ARVCF: variants seen among roughly 807,000 people sequenced by gnomAD.
ARVCF encodes the protein ARVCF delta catenin family member.
A neutral mutation model predicts 90.9 loss-of-function variants in ARVCF; 66 were observed. The observed-to-expected ratio is 0.73, with a 90% confidence interval of 0.60 to 0.89. The LOEUF (loss-of-function observed/expected upper bound fraction) is 0.89. ARVCF is among the 40% of genes least tolerant of loss of function. ARVCF has a pLI of 0.00. For synonymous variants in ARVCF, 653 were observed against 603.4 expected, an observed-to-expected ratio of 1.08 and a Z score of -1.21; for missense variants, 1,469 against 1,382.3, an observed-to-expected ratio of 1.06 and a Z score of -1.00.
chr22:19,974,275 G>A, intron 11 of ARVCF, 36 bp from the exon 12 acceptor site: 3 of 1,571,150 alleles, frequency 1.9e-6, no homozygotes, highest in Non-Finnish European at 2.6e-6. Context: ...CGGTCACCCA[G>A]AATCTGCTCT....
intron 2 of ARVCF, among the ~76,000 whole-genome samples, chr22:20,007,599 G>C (rs1355351414): frequency 2.0e-5 from 3 of 152,256 alleles, no homozygotes; most frequent in Non-Finnish European, 2.9e-5. Context: ...TAGGTCACAA[G>C]GGCTCTGCTA....
intron 10 of ARVCF, 22 bp downstream of exon 10, chr22:19,976,684 A>G: frequency 6.4e-7 from 1 of 1,555,480 alleles, no homozygotes; most frequent in Non-Finnish European, 8.7e-7. Context: ...AGGCCTGGAG[A>G]GCAGGATAAA....
In ARVCF at chr22:19,980,034, G is replaced by T; in HGVS notation, c.1105C>A (p.His369Asn). ...TTGGCCTTCACGGGGTCCACGGGGT[G>T]CCGCAGCATGGCCAGCACCTCAGGC... ...ELPEVLAMLR[H>N]PVDPVKANAA... Residue 369 changes from histidine (H) to asparagine (N), a missense_variant, in exon 6 of 20, where the codon CAC becomes AAC. Transcript: ENST00000263207. 1 of 1,587,966 alleles carries T rather than the reference G, an allele frequency of 6.3e-7. No homozygotes were observed. Among genetic ancestry groups the T allele is most frequent in the South Asian group, 1.1e-5 (1 of 88,568 alleles).
intron 3 of ARVCF, among the ~76,000 whole-genome samples, chr22:19,989,447 T>C (rs1379783224): frequency 6.6e-6 from 1 of 152,072 alleles, no homozygotes; most frequent in Non-Finnish European, 1.5e-5. Context: ...TCCCTCGGCC[T>C]GACACAGGCT....
downstream of ARVCF, chr22:19,968,810 C>T: frequency 2.1e-6 from 3 of 1,418,598 alleles, no homozygotes; most frequent in Non-Finnish European, 1.9e-6. Flanking sequence ...CTCCTGCTGA[C>T]CTTCTGCGGC....
chr22:19,974,372 T>C (rs1419203585), intron 11 of ARVCF, 133 bp from the exon 12 acceptor site: 5 of 1,080,806 alleles, frequency 4.6e-6, no homozygotes, highest in Non-Finnish European at 6.3e-6. Context: ...ATGAGTCACG[T>C]AATATTTACT....
intron 3 of ARVCF, chr22:19,986,747 C>A: frequency 3.2e-6 from 1 of 315,044 alleles, no homozygotes; most frequent in South Asian, 6.7e-5. Flanking sequence ...GGCACCTGTC[C>A]TGGGCGCTGG....
chr22:19,978,075 C>T lies in ARVCF; in HGVS notation c.1581G>A (p.Arg527=). The T allele has an allele frequency of 6.2e-7, 1 of 1,603,706 alleles. No homozygotes were observed. The highest frequency in any genetic ancestry group is 1.7e-5 in the Admixed American group (1 of 58,910). Residue 527 remains arginine, a splice_region_variant and synonymous_variant, in exon 8 of 20, where the codon AGG becomes AGA. Transcript: ENST00000263207. ...TVFKNTSGCL[R]NVSSDGAEAR... The stretch of plus-strand genomic sequence containing the variant: ...CCTCAGCACCATCGGAGCTCACATT[C>T]CTGTGTGGCCAAGAGCAGGCCAGGT...
chr22:19,974,176 C>G lies in ARVCF; in HGVS notation c.2024G>C (p.Arg675Pro). The change falls in exon 12 of 20, where the codon CGG becomes CCG. Residue 675 changes from arginine to proline, a missense_variant. Arg to Pro is a moderately radical substitution (Grantham distance 103). Coordinates refer to ENST00000263207, the MANE Select transcript of ARVCF (RefSeq NM_001670.3). The stretch of plus-strand genomic sequence containing the variant: ...GGCAGCCTCCAGGGTGTTGAAGTTC[C>G]GGCTCTCCGTGAGGAGGGAGAGGTA... ...RLYLSLLTES[R>P]NFNTLEAAAG... 2 of 1,612,988 alleles carry G rather than the reference C, an allele frequency of 1.2e-6. No individual in the cohort carries two copies. The highest frequency in any genetic ancestry group is 2.7e-5 in the African/African-American group (2 of 75,020).
At chr22:19,999,352 A>C (rs1156956535) in intron 2 of ARVCF, among the ~76,000 whole-genome samples, 1 of 152,114 alleles carries the variant, frequency 6.6e-6, no homozygotes, top group Non-Finnish European at 1.5e-5. Context: ...CAGCACGAGG[A>C]GGCACTGGCC....
In ARVCF at chr22:19,980,032, G is replaced by A. The variant is rs745514654; in HGVS notation, c.1107C>T (p.His369=). The A allele has an allele frequency of 5.0e-6, 8 of 1,588,922 alleles. No homozygotes were observed. Among genetic ancestry groups the A allele is most frequent in the Non-Finnish European group, 5.1e-6 (6 of 1,167,428 alleles). ...ELPEVLAMLR[H]PVDPVKANAA... is the part of the protein sequence containing the mutation. Reference sequence around the variant, plus strand: ...CATTGGCCTTCACGGGGTCCACGGGGTGCCGCAGCATGGCCAGCACCTCAG... The same window carrying A: ...CATTGGCCTTCACGGGGTCCACGGGATGCCGCAGCATGGCCAGCACCTCAG... Residue 369 remains histidine (H), a synonymous_variant, in exon 6 of 20, where the codon CAC becomes CAT. Coordinates refer to ENST00000263207, the MANE Select transcript of ARVCF (RefSeq NM_001670.3).
chr22:19,971,977 G>C lies in ARVCF; in HGVS notation c.2696-6C>G, dbSNP rs761554205. 6.2e-7 allele frequency: 1 copy of C among 1,607,220 alleles called. No homozygotes were observed. The highest frequency in any genetic ancestry group is 1.7e-5 in the Admixed American group (1 of 59,636). ...GTCCACCGTGGAGTATCCGTCTGTA[G>C]ATGGGGTAAGGTGGGGCATGAGGGG... is the stretch of plus-strand genomic sequence containing the variant. On this transcript the variant is annotated splice_region_variant and splice_polypyrimidine_tract_variant and intron_variant, in intron 17 of 19. Transcript: ENST00000263207.
Position 19,971,947 on chromosome 22 carries a change from C to T in ARVCF, c.2720G>A (p.Arg907Lys). The T allele has an allele frequency of 6.2e-7, 1 of 1,612,482 alleles. No homozygotes were observed. The highest frequency in any genetic ancestry group is 8.5e-7 in the Non-Finnish European group (1 of 1,179,514). The change falls in exon 18 of 20, where the codon AGG becomes AAG. Residue 907 changes from arginine to lysine, a missense_variant. By Grantham distance (26) the Arg-to-Lys change is conservative. Coordinates refer to ENST00000263207, the MANE Select transcript of ARVCF (RefSeq NM_001670.3). ...GPDGYSTVDR[R>K]ERRPRGASSA... ...GCTGGCGCCCCGTGGCCTCCGCTCC[C>T]TCCGGTCCACCGTGGAGTATCCGTC...
downstream of ARVCF, chr22:19,967,667 T>C (rs1369506700): frequency 1.0e-5 from 3 of 299,892 alleles, no homozygotes; most frequent in Admixed American, 4.8e-5. Flanking sequence ...TGCCTGCAAA[T>C]TGATTTTATT....
chr22:19,972,778 C>T lies in ARVCF; in HGVS notation c.2600G>A (p.Gly867Asp), dbSNP rs768227680. 1.2e-6 allele frequency: 2 copies of T among 1,613,114 alleles called. No individual in the cohort carries two copies. Among genetic ancestry groups the T allele is most frequent in the Non-Finnish European group, 1.7e-6 (2 of 1,179,576 alleles). ...CAGTGGCAGCGTGCTGTCATCGAAG[C>T]CCCCAGGACTCAGTGCTCCCTTAGG... ...KGPKGALSPG[G>D]FDDSTLPLVD... The change falls in exon 16 of 20, where the codon GGC (glycine) becomes GAC (aspartate). Residue 867 changes from glycine to aspartate, a missense_variant. Gly to Asp is a moderately conservative substitution (Grantham distance 94). Transcript: ENST00000263207.
Position 19,973,009 on chromosome 22 carries a change from C to G in ARVCF, c.2466G>C (p.Ala822=). Residue 822 remains alanine (A), a synonymous_variant, in exon 15 of 20, where the codon GCG becomes GCC. Coordinates refer to ENST00000263207, the MANE Select transcript of ARVCF (RefSeq NM_001670.3). ...SSQSVREAKA[A]SHVLQTVWSY... is the part of the protein sequence containing the mutation. ...TCCACACTGTCTGCAGCACGTGTGA[C>G]GCCGCCTTCGCTTCGCGTACCGATT... 1.2e-6 allele frequency: 2 copies of G among 1,613,420 alleles called. No individual in the cohort carries two copies. Among genetic ancestry groups the G allele is most frequent in the African/African-American group, 1.3e-5 (1 of 75,042 alleles).
At position 19,973,012 on chromosome 22, in the gene ARVCF, C is replaced by A; in HGVS notation, c.2463G>T (p.Ala821=). Residue 821 remains alanine, a synonymous_variant, in exon 15 of 20, where the codon GCG becomes GCT. Transcript: ENST00000263207. ...ACACTGTCTGCAGCACGTGTGACGC[C>A]GCCTTCGCTTCGCGTACCGATTGGC... The part of the protein sequence containing the change: ...ASSQSVREAK[A]ASHVLQTVWS... 1.2e-6 allele frequency: 2 copies of A among 1,613,384 alleles called. No individual in the cohort carries two copies. The highest frequency in any genetic ancestry group is 2.7e-5 in the African/African-American group (2 of 75,044).
chr22:19,978,872 C>CTTTAA (rs1943315374), intron 7 of ARVCF, 25 bp downstream of exon 7: 1 of 1,593,250 alleles, frequency 6.3e-7, no homozygotes, highest in African/African-American at 1.3e-5. Flanking sequence ...TGCATGTGGG[C>CTTTAA]TTTAGCACCA....
In ARVCF at chr22:19,971,281, G is replaced by A; in HGVS notation, c.2836C>T (p.Leu946=). Residue 946 remains leucine, a synonymous_variant, in exon 19 of 20, where the codon CTG becomes TTG. Coordinates refer to ENST00000263207, the MANE Select transcript of ARVCF (RefSeq NM_001670.3). The part of the protein sequence containing the change: ...PPGPSRPAVR[L]VDAVGDAKPQ... ...TTAGCGTCCCCTACGGCGTCCACCAGCCTGACCGCGGGCCTGCTGGGCCCG... is the reference window on the plus strand; with the variant it reads ...TTAGCGTCCCCTACGGCGTCCACCAACCTGACCGCGGGCCTGCTGGGCCCG... The A allele has an allele frequency of 1.3e-6, 2 of 1,557,164 alleles. No homozygotes were observed. Among genetic ancestry groups the A allele is most frequent in the Non-Finnish European group, 1.7e-6 (2 of 1,149,752 alleles).
Sources: gnomAD v4.1 joint callset for allele counts (sites outside exome capture counted in the v4.1 genomes callset) on GRCh38, gnomAD v4.1.1 for gene constraint, MANE v1.5 for transcripts, NCBI Gene and HGNC (gene_info 2026-07-23, HGNC 2026-07-21) for gene names.